The following ATP13A4 variants were observed in gnomAD, a reference collection of about 807,000 sequenced individuals.
ATP13A4 encodes the protein ATPase 13A4.
Under a neutral mutation model 142.5 loss-of-function variants are expected in ATP13A4, and 114 were observed. That is an observed-to-expected ratio of 0.80 (90% CI 0.69 to 0.93). ATP13A4 has a LOEUF of 0.93. ATP13A4 is among the 40% of genes least tolerant of loss of function. The probability of loss-of-function intolerance (pLI) is 0.00; values close to 1 mark genes in which losing one functional copy is unlikely to be tolerated. For missense variants in ATP13A4, 1,392 were observed against 1,454.0 expected (o/e 0.96, Z 0.69); for synonymous variants, 488 against 514.8 (o/e 0.95, Z 0.70).
upstream of ATP13A4, among the ~76,000 whole-genome samples, chr3:193,556,013 T>C (rs1347467259): frequency 6.6e-6 from 1 of 152,188 alleles, no homozygotes; most frequent in East Asian, 1.9e-4. Flanking sequence ...AAATGTGCAT[T>C]TGAACAGTAG....
At position 193,461,733 on chromosome 3, in the gene ATP13A4, T is replaced by C. The variant is rs192650066; in HGVS notation, c.1523+1029A>G. On this transcript the variant is annotated intron_variant, in intron 13 of 29. Transcript: ENST00000342695. ...TTATAAGTGTTAGAGGAAAAAACTT[T>C]CATTTTCAAACAAAACATAAACGTC... Among the ~76,000 whole-genome samples the C allele has an allele frequency of 2.4e-3, 365 of 152,348 alleles. 1 individual carries two copies. The highest frequency in any genetic ancestry group is 8.5e-3 in the African/African-American group (352 of 41,580).
In ATP13A4 at chr3:193,442,485, G is replaced by T. The variant is rs981596394; in HGVS notation, c.2224C>A (p.Leu742Ile). 4.3e-6 allele frequency: 7 copies of T among 1,613,936 alleles called. No individual in the cohort carries two copies. The Admixed American group carries it at 1.2e-4, about 27-fold the overall frequency. ...GMVSESQKVILIEANETTGSS... is the reference protein window; with the variant it reads ...GMVSESQKVIIIEANETTGSS... ...CCGGTGGTTTCATTTGCCTCAATGAGAATGACTTTCTGGCTTTCAGAAACC... is the reference window on the plus strand; with the variant it reads ...CCGGTGGTTTCATTTGCCTCAATGATAATGACTTTCTGGCTTTCAGAAACC... The change falls in exon 19 of 30, where the codon CTC (leucine) becomes ATC (isoleucine). Residue 742 changes from leucine to isoleucine, a missense_variant. Physicochemically the swap from Leu to Ile is conservative, Grantham distance 5. Transcript: ENST00000342695.
intron 16 of ATP13A4, among the ~76,000 whole-genome samples, chr3:193,456,388 G>A (rs1203071948): frequency 6.6e-6 from 1 of 152,188 alleles, no homozygotes; most frequent in Non-Finnish European, 1.5e-5. Flanking sequence ...GGGGCTGAGG[G>A]AGAATCATGA....
chr3:193,462,236 A>G (rs1230831538), intron 13 of ATP13A4, among the ~76,000 whole-genome samples: 1 of 151,882 alleles, frequency 6.6e-6, no homozygotes, highest in East Asian at 1.9e-4. Flanking sequence ...AAAAAAAAAA[A>G]AAGAAAAAAG....
At chr3:193,446,842 C>T (rs1349138510) in intron 18 of ATP13A4, among the ~76,000 whole-genome samples, 1 of 152,164 alleles carries the variant, frequency 6.6e-6, no homozygotes, top group Non-Finnish European at 1.5e-5. Flanking sequence ...TGGACTCTCA[C>T]TGGACTTGTC....
intron 29 of ATP13A4, among the ~76,000 whole-genome samples, chr3:193,405,543 G>A (rs1180822677): frequency 2.6e-5 from 4 of 152,066 alleles, no homozygotes; most frequent in South Asian, 2.1e-4. Flanking sequence ...TGTAAAGTCC[G>A]GCTCTGTGGA....
intron 18 of ATP13A4, among the ~76,000 whole-genome samples, chr3:193,445,287 T>C (rs971858297): frequency 3.3e-5 from 5 of 151,124 alleles, no homozygotes; most frequent in African/African-American, 1.2e-4. Context: ...AATATAAAAA[T>C]TAGCCAGGCG....
chr3:193,503,038 A>AGGGGGGG (rs577841644), intron 2 of ATP13A4, among the ~76,000 whole-genome samples: 1 of 145,468 alleles, frequency 6.9e-6, no homozygotes, highest in African/African-American at 2.5e-5. Flanking sequence ...GGGGCGGGGC[A>AGGGGGGG]GGGGGGGGAA....
intron 8 of ATP13A4, 101 bp from the exon 9 acceptor site, chr3:193,471,094 A>C: frequency 7.3e-7 from 1 of 1,362,418 alleles, no homozygotes; most frequent in South Asian, 1.3e-5. Flanking sequence ...CAACCAAGAC[A>C]TTTTTTTTTT....
At chr3:193,585,243 C>T (rs7618459) in intron 1 of ATP13A4, among the ~76,000 whole-genome samples, 65,297 of 151,652 alleles carry the variant, frequency 0.43, 14,274 homozygotes, top group Non-Finnish European at 0.44. Flanking sequence ...CATGGTGAAA[C>T]GTCATCCCTA....
At chr3:193,503,947 A>T (rs1157487578) in intron 2 of ATP13A4, among the ~76,000 whole-genome samples, 1 of 151,182 alleles carries the variant, frequency 6.6e-6, no homozygotes, top group African/African-American at 2.4e-5. Context: ...GGAATTGTGT[A>T]TGATGCATGT....
intron 1 of ATP13A4, among the ~76,000 whole-genome samples, chr3:193,547,995 G>A (rs967920434): frequency 6.6e-6 from 1 of 152,110 alleles, no homozygotes; most frequent in Non-Finnish European, 1.5e-5. Context: ...AAAAGTAGAG[G>A]TTTCTTAAAT....
At chr3:193,448,598 A>G (rs1717093963) in intron 17 of ATP13A4, among the ~76,000 whole-genome samples, 2 of 152,182 alleles carry the variant, frequency 1.3e-5, no homozygotes, top group Non-Finnish European at 2.9e-5. Flanking sequence ...AGCTTCCCAA[A>G]GTGCTGGAAT....
At chr3:193,555,068 C>T (rs1034148796), upstream of ATP13A4, 37 of 710,458 alleles carry the variant, frequency 5.2e-5, 1 homozygote, top group South Asian at 1.1e-4. Flanking sequence ...TCAAAGGAGG[C>T]TGCTCCCATG....
chr3:193,427,905 A>G (rs1436991836), intron 25 of ATP13A4, among the ~76,000 whole-genome samples: 1 of 152,250 alleles, frequency 6.6e-6, no homozygotes, highest in Non-Finnish European at 1.5e-5. Context: ...CTAAAACAAC[A>G]AAAGCAATGG....
chr3:193,506,924 G>T (rs1345340307), intron 2 of ATP13A4, among the ~76,000 whole-genome samples: 4 of 152,134 alleles, frequency 2.6e-5, no homozygotes, highest in Non-Finnish European at 5.9e-5. Context: ...CCAGTTTTGG[G>T]TATGTCTTTA....
Position 193,582,967 on chromosome 3 carries a change from AAT to A in ATP13A4, n.92-1063_92-1062del, listed in dbSNP as rs200727243. Among the ~76,000 whole-genome samples the A allele has an allele frequency of 4.1e-3, 344 of 84,370 alleles. 104 individuals carry two copies. Among genetic ancestry groups the A allele is most frequent in the African/African-American group, 0.014 (234 of 16,494 alleles). 55.3% of individuals were successfully genotyped at this position (84,370 alleles called of 152,430 possible). A position where few individuals can be genotyped will look rare whatever the true frequency, so the allele number is the denominator to read the frequency against. On this transcript the variant is annotated intron_variant and non_coding_transcript_variant, in intron 1 of 3. Transcript: ENST00000489140. ...ATATATGTATATTACATATATATAA[AAT>A]ATATATATGTATATTACATATATAT...
chr3:193,441,369 T>G, intron 20 of ATP13A4, 97 bp downstream of exon 20: 1 of 1,481,484 alleles, frequency 6.7e-7, no homozygotes, highest in Non-Finnish European at 9.4e-7. Context: ...CTGAGTATAT[T>G]TTACCTGTCT....
At chr3:193,488,776 AT>A (rs1460642834) in intron 7 of ATP13A4, among the ~76,000 whole-genome samples, 2 of 152,192 alleles carry the variant, frequency 1.3e-5, no homozygotes, top group East Asian at 3.8e-4. Flanking sequence ...AAGAGAAGAA[AT>A]TGTTTTGTTT....
Sources: gnomAD v4.1 joint callset for allele counts (sites outside exome capture counted in the v4.1 genomes callset) on GRCh38, gnomAD v4.1.1 for gene constraint, MANE v1.5 for transcripts, NCBI Gene and HGNC (gene_info 2026-07-23, HGNC 2026-07-21) for gene names.